Variants in CD101 observed in about 807,000 individuals in gnomAD.
CD101 encodes the protein immunoglobulin superfamily member 2.
A neutral mutation model predicts 98.2 loss-of-function variants in CD101; 76 were observed. The observed-to-expected ratio is 0.77, with a 90% CI of 0.64 to 0.94. The LOEUF is 0.94. Among genes scored for constraint, CD101 ranks in the 40% least tolerant of loss-of-function variants. CD101 has a pLI of 0.00. For missense variants in CD101, 1,145 were observed against 1,218.8 expected, an observed-to-expected ratio of 0.94 and a Z score of 0.90; for synonymous variants, 471 against 472.7, an observed-to-expected ratio of 1.00 and a Z score of 0.05.
chr1:117,033,888 C>T lies in CD101; in HGVS notation c.2853C>T (p.Ser951=), dbSNP rs749527548. 9 of 1,614,066 alleles carry T rather than the reference C, an allele frequency of 5.6e-6. No individual in the cohort carries two copies. The East Asian group carries it at 1.8e-4, about 32-fold the overall frequency. Residue 951 remains serine (S), a synonymous_variant, in exon 9 of 10, where the codon TCC becomes TCT. Transcript: ENST00000682167. This position sits in a 1 kb window ranked among gnomAD's most constrained non-coding sequence, Gnocchi z 4.8. ...CCACGCTTCCTTCCAGGATCTGCTC[C>T]TCGGCCCCTTTACTCTATTTCCTGT... The part of the protein sequence containing the change: ...SEPTLPSRIC[S]SAPLLYFLFI...
intron 8 of CD101, among the ~76,000 whole-genome samples, chr1:117,031,408 C>T (rs1391200600): frequency 1.3e-5 from 2 of 152,246 alleles, no homozygotes; most frequent in East Asian, 3.8e-4. Flanking sequence ...TCTAACCTCA[C>T]AATTCTCTGC....
intron 8 of CD101, among the ~76,000 whole-genome samples, chr1:117,030,565 T>G (rs1654396161): frequency 6.6e-6 from 1 of 152,182 alleles, no homozygotes. Context: ...CACACTGAAG[T>G]ATTTGGAGAT....
Position 117,033,843 on chromosome 1 carries a change from T to G in CD101, c.2825-17T>G, listed in dbSNP as rs1426029715. On this transcript the variant is annotated splice_polypyrimidine_tract_variant and intron_variant, in intron 8 of 9. Transcript: ENST00000682167. This position sits in a 1 kb window ranked among gnomAD's most constrained non-coding sequence, Gnocchi z 4.8. ...AGTTGGAGATGAATTACTCTCTTGTTTCTCCCTTCGTTGCAGAGCCCACGC... is the reference window on the plus strand; with the variant it reads ...AGTTGGAGATGAATTACTCTCTTGTGTCTCCCTTCGTTGCAGAGCCCACGC... The G allele has an allele frequency of 1.2e-6, 2 of 1,613,878 alleles. No individual in the cohort carries two copies. Among genetic ancestry groups the G allele is most frequent in the Admixed American group, 3.3e-5 (2 of 59,990 alleles).
rs1652777608 is a variant in CD101 at position 117,009,905 on chromosome 1, A to T, written c.99A>T (p.Arg33Ser). 6.2e-7 allele frequency: 1 copy of T among 1,613,896 alleles called. No individual in the cohort carries two copies. The highest frequency in any genetic ancestry group is 1.7e-5 in the Admixed American group (1 of 60,022). The part of the protein sequence containing the change: ...EVTVQKGPLF[R>S]AEGYPVSIGC... ...CAGTTCAGAAAGGACCACTGTTTAG[A>T]GCTGAAGGTTACCCAGTCAGCATTG... is the stretch of plus-strand genomic sequence containing the variant. The change falls in exon 2 of 10, where the codon AGA becomes AGT. Residue 33 changes from arginine (R) to serine (S), a missense_variant. Transcript: ENST00000682167.
intron 9 of CD101, among the ~76,000 whole-genome samples, chr1:117,035,595 G>C (rs1654763921): frequency 6.6e-6 from 1 of 151,180 alleles, no homozygotes; most frequent in South Asian, 2.1e-4. Flanking sequence ...TGTCGCCCGG[G>C]CTGGAGTGCA....
chr1:117,026,559 G>A (rs994759147), intron 8 of CD101: 1 of 152,228 alleles, frequency 6.6e-6, no homozygotes, highest in African/African-American at 2.4e-5. Context: ...ATTACAGGAA[G>A]TCCCATACTC....
At chr1:117,001,888 C>G in intron 1 of CD101, 28 bp downstream of exon 1, 1 of 1,611,674 alleles carries the variant, frequency 6.2e-7, no homozygotes, top group African/African-American at 1.3e-5. Flanking sequence ...TTATGTTTCT[C>G]TTGTCACAGG....
At chr1:117,029,896 T>C (rs960413954) in intron 8 of CD101, among the ~76,000 whole-genome samples, 1 of 152,242 alleles carries the variant, frequency 6.6e-6, no homozygotes, top group Non-Finnish European at 1.5e-5. Context: ...CTATCTTATT[T>C]CCTTATCAGT....
chr1:117,008,369 G>GA (rs918783647), intron 1 of CD101, among the ~76,000 whole-genome samples: 30 of 152,156 alleles, frequency 2.0e-4, no homozygotes, highest in Admixed American at 1.8e-3. Flanking sequence ...GGAGGCTGAG[G>GA]CAAGAGAATC....
intron 1 of CD101, among the ~76,000 whole-genome samples, chr1:117,008,058 A>C (rs1652645003): frequency 6.6e-6 from 1 of 152,234 alleles, no homozygotes; most frequent in Admixed American, 6.5e-5. Flanking sequence ...GTAAGTAATA[A>C]TTTACATTTT....
rs199631117 is a variant in CD101 at position 117,018,324 on chromosome 1, G to A, written c.1781G>A (p.Arg594Gln). Reference sequence around the variant, plus strand: ...TCTCACATCTTCCACCAGCTTATTCGAATCACCCACAATGGCACTATTGAA... The same window carrying A: ...TCTCACATCTTCCACCAGCTTATTCAAATCACCCACAATGGCACTATTGAA... ...ASSHIFHQLI[R>Q]ITHNGTIEWG... Residue 594 changes from arginine (R) to glutamine (Q), a missense_variant, in exon 6 of 10, where the codon CGA becomes CAA. Arg to Gln is a conservative substitution (Grantham distance 43). Coordinates refer to ENST00000682167, the MANE Select transcript of CD101 (RefSeq NM_001256106.3). This position sits in a 1 kb window ranked among gnomAD's most constrained non-coding sequence, Gnocchi z 4.3. The A allele has an allele frequency of 1.1e-5, 18 of 1,614,092 alleles. No homozygotes were observed. Among genetic ancestry groups the A allele is most frequent in the East Asian group, 2.2e-5 (1 of 44,888 alleles).
Position 117,009,699 on chromosome 1 carries a change from T to G in CD101, c.44-151T>G, listed in dbSNP as rs7551890. 9.6e-3 allele frequency: 7,046 copies of G among 731,710 alleles called. 239 individuals are homozygous for G. The highest frequency in any genetic ancestry group is 0.089 in the African/African-American group (5,050 of 56,650). The allele number at this position is 731,710 out of a possible 1,614,324, so 45.3% of individuals were successfully genotyped here. A position where few individuals can be genotyped will look rare whatever the true frequency, so the allele number is the denominator to read the frequency against. ...CAAGCAATTCCACTGCTGCTCAGCCTGAAGAAGATGTTGAACATTTGAGTC... is the reference window on the plus strand; with the variant it reads ...CAAGCAATTCCACTGCTGCTCAGCCGGAAGAAGATGTTGAACATTTGAGTC... On this transcript the variant is annotated intron_variant, in intron 1 of 9. Transcript: ENST00000682167.
At chr1:117,028,782 T>C (rs1312968691) in intron 8 of CD101, among the ~76,000 whole-genome samples, 1 of 152,080 alleles carries the variant, frequency 6.6e-6, no homozygotes, top group African/African-American at 2.4e-5. Context: ...AAAGTATCCA[T>C]TGGATTTGAC....
At chr1:117,026,163 T>A (rs1570739161) in intron 8 of CD101, 1 of 376,720 alleles carries the variant, frequency 2.7e-6, no homozygotes, top group East Asian at 4.3e-5. Flanking sequence ...TCTGCTGGGG[T>A]TCAGGGAGAA....
In CD101 at chr1:117,023,318, G is replaced by A. The variant is rs1284306708; in HGVS notation, c.2428+1335G>A. ...GCTCAAGTGCTTCCCATGTAGAAAT[G>A]TGGGCTCCGTGTTGTCAGATCTTTT... is the stretch of plus-strand genomic sequence containing the variant. On this transcript the variant is annotated intron_variant, in intron 7 of 9. Transcript: ENST00000682167. This position sits in a 1 kb window ranked among gnomAD's most constrained non-coding sequence, Gnocchi z 4.4. 6.6e-6 allele frequency among the ~76,000 whole-genome samples: 1 copy of A among 152,210 alleles called. No homozygotes were observed. Among genetic ancestry groups the A allele is most frequent in the African/African-American group, 2.4e-5 (1 of 41,452 alleles).
intron 8 of CD101, among the ~76,000 whole-genome samples, chr1:117,027,563 G>A (rs539236748): frequency 2.6e-5 from 4 of 152,238 alleles, no homozygotes; most frequent in East Asian, 3.9e-4. Flanking sequence ...TGTTATATTC[G>A]GGGAACTCCT....
In CD101 at chr1:117,022,517, A is replaced by C. The variant is rs913604644; in HGVS notation, c.2428+534A>C. Among the ~76,000 whole-genome samples the C allele has an allele frequency of 6.6e-6, 1 of 152,132 alleles. No individual in the cohort carries two copies. The highest frequency in any genetic ancestry group is 2.4e-5 in the African/African-American group (1 of 41,438). Reference sequence around the variant, plus strand: ...TTCCTCAGGAGATCTTTAAAAATGTAATGGAAGTTCCGCACTGGTCTAAGA... The same window carrying C: ...TTCCTCAGGAGATCTTTAAAAATGTCATGGAAGTTCCGCACTGGTCTAAGA... On this transcript the variant is annotated intron_variant, in intron 7 of 9. Transcript: ENST00000682167. The surrounding 1 kb of genome is among the most constrained non-coding windows in gnomAD (Gnocchi z 4.8).
At position 117,033,071 on chromosome 1, in the gene CD101, T is replaced by C. The variant is rs1654562939; in HGVS notation, c.2825-789T>C. ...ACTATCAGACATACTCAAGTAACTATAGTGAACAAAGGAGACGAGTAAAAG... is the reference window on the plus strand; with the variant it reads ...ACTATCAGACATACTCAAGTAACTACAGTGAACAAAGGAGACGAGTAAAAG... On this transcript the variant is annotated intron_variant, in intron 8 of 9. Transcript: ENST00000682167. The surrounding 1 kb of genome is among the most constrained non-coding windows in gnomAD (Gnocchi z 4.8). 1 of 152,230 alleles carries C rather than the reference T, an allele frequency of 6.6e-6. No homozygotes were observed. Among genetic ancestry groups the C allele is most frequent in the Admixed American group, 6.5e-5 (1 of 15,278 alleles). The allele number at this position is 152,230 out of a possible 1,614,324, so 9.4% of individuals were successfully genotyped here. A position where few individuals can be genotyped will look rare whatever the true frequency, so the allele number is the denominator to read the frequency against.
chr1:117,015,587 C>T (rs1653161968), intron 4 of CD101, among the ~76,000 whole-genome samples: 1 of 152,244 alleles, frequency 6.6e-6, no homozygotes, highest in South Asian at 2.1e-4. Flanking sequence ...CCTTCCTCCG[C>T]AGGGAAGAAC....
Sources: allele counts gnomAD v4.1 joint callset (sites outside exome capture counted in the v4.1 genomes callset), GRCh38; gene constraint gnomAD v4.1.1; non-coding constraint Gnocchi (gnomAD v3.1); transcripts MANE v1.5; gene names NCBI Gene and HGNC (gene_info 2026-07-23, HGNC 2026-07-21).